The following MORC1 variants were observed in gnomAD, a reference collection of about 807,000 sequenced individuals.
The protein encoded by MORC1 is MORC family CW-type zinc finger 1.
A neutral mutation model predicts 134.9 loss-of-function variants in MORC1; 59 were observed. The observed-to-expected ratio is 0.44, with a 90% CI of 0.35 to 0.54. The LOEUF is 0.54. MORC1 is among the 20% of genes least tolerant of loss of function. The pLI is 0.00. For missense variants in MORC1, 947 were observed against 1,134.5 expected (o/e 0.83, Z 2.37); for synonymous variants, 395 against 391.7 (o/e 1.01, Z -0.10).
chr3:109,054,580 C>T lies in MORC1; in HGVS notation c.1330+148G>A, dbSNP rs1031758785. The T allele has an allele frequency of 6.3e-6, 4 of 634,510 alleles. No individual in the cohort carries two copies. In the Admixed American group the frequency reaches 1.4e-4, roughly 22 times the overall value. The allele number at this position is 634,510 out of a possible 1,614,324, so 39.3% of individuals were successfully genotyped here. On this transcript the variant is annotated intron_variant, in intron 14 of 27. Coordinates refer to ENST00000232603, the MANE Select transcript of MORC1 (RefSeq NM_014429.4). ...CTGGGAAAGATTCTGAAATGGGCTCCCTTCTCACTCCTGTTTTTAAAGCAG... is the reference window on the plus strand; with the variant it reads ...CTGGGAAAGATTCTGAAATGGGCTCTCTTCTCACTCCTGTTTTTAAAGCAG...
chr3:108,981,658 G>A (rs1947726556), intron 23 of MORC1, among the ~76,000 whole-genome samples: 1 of 152,148 alleles, frequency 6.6e-6, no homozygotes, highest in Non-Finnish European at 1.5e-5. Context: ...TTATAGAGTT[G>A]TACTGAGGAT....
intron 8 of MORC1, among the ~76,000 whole-genome samples, chr3:109,082,836 A>T (rs1383766392): frequency 6.6e-6 from 1 of 152,226 alleles, no homozygotes; most frequent in Non-Finnish European, 1.5e-5. Context: ...GAGGGAATAA[A>T]GCAAGAGCAA....
At chr3:109,081,645 G>A (rs1211267748) in intron 8 of MORC1, among the ~76,000 whole-genome samples, 1 of 152,034 alleles carries the variant, frequency 6.6e-6, no homozygotes, top group African/African-American at 2.4e-5. Flanking sequence ...ACTAGAGACA[G>A]GGTTTCAGTA....
chr3:109,057,947 C>G (rs1949997567), intron 12 of MORC1, among the ~76,000 whole-genome samples: 1 of 152,176 alleles, frequency 6.6e-6, no homozygotes, highest in South Asian at 2.1e-4. Context: ...CTCTCTAACC[C>G]TTTCCAAAAT....
chr3:109,105,251 A>G (rs1700592245), intron 3 of MORC1, among the ~76,000 whole-genome samples: 2 of 151,974 alleles, frequency 1.3e-5, no homozygotes, highest in Admixed American at 6.6e-5. Context: ...TAGGCTGGGC[A>G]CGGTGGCTCA....
chr3:109,005,060 A>G lies in MORC1; in HGVS notation c.2013+10T>C, dbSNP rs2107532596. The G allele has an allele frequency of 1.2e-6, 2 of 1,601,312 alleles. No homozygotes were observed. The highest frequency in any genetic ancestry group is 2.3e-5 in the South Asian group (2 of 88,290). On this transcript the variant is annotated intron_variant, in intron 19 of 27. Coordinates refer to ENST00000232603, the MANE Select transcript of MORC1 (RefSeq NM_014429.4). ...TGAATTGTTTTGTGAATAAGAAACA[A>G]TAATAATACCTGGGATCTCTCAGCT...
At chr3:109,086,990 A>G (rs1950626434) in intron 8 of MORC1, among the ~76,000 whole-genome samples, 2 of 152,124 alleles carry the variant, frequency 1.3e-5, no homozygotes, top group Non-Finnish European at 2.9e-5. Context: ...TCTACAGTAG[A>G]AGAGAGACTG....
At chr3:109,027,187 TAGTC>T in intron 17 of MORC1, among the ~76,000 whole-genome samples, 1 of 152,320 alleles carries the variant, frequency 6.6e-6, no homozygotes, top group South Asian at 2.1e-4. Flanking sequence ...GTTTAATTAT[TAGTC>T]AAGAAAATAA....
intron 21 of MORC1, among the ~76,000 whole-genome samples, chr3:108,990,997 A>G (rs1157104465): frequency 1.3e-5 from 2 of 151,284 alleles, no homozygotes; most frequent in Non-Finnish European, 2.9e-5. Flanking sequence ...ACTTTTATTT[A>G]TTTAATATTC....
intron 22 of MORC1, among the ~76,000 whole-genome samples, chr3:108,985,049 C>T (rs1181303744): frequency 6.6e-6 from 1 of 151,944 alleles, no homozygotes; most frequent in African/African-American, 2.4e-5. Context: ...CATTTTTTAC[C>T]AGAGCCTGGA....
At chr3:108,974,308 T>C (rs1006747371) in intron 24 of MORC1, among the ~76,000 whole-genome samples, 1 of 152,222 alleles carries the variant, frequency 6.6e-6, no homozygotes, top group Non-Finnish European at 1.5e-5. Context: ...TAAAAACCTA[T>C]AGGATACCAA....
At chr3:108,978,336 T>A (rs2107434279) in intron 24 of MORC1, among the ~76,000 whole-genome samples, 1 of 152,298 alleles carries the variant, frequency 6.6e-6, no homozygotes, top group East Asian at 1.9e-4. Context: ...CATTGCTCCA[T>A]CAACAACTTG....
At chr3:108,996,286 G>GCACACACACACACACACACACACA (rs66629906) in intron 21 of MORC1, among the ~76,000 whole-genome samples, 93 of 146,444 alleles carry the variant, frequency 6.4e-4, no homozygotes, top group African/African-American at 2.1e-3. Flanking sequence ...GCGCGCGCGC[G>GCACACACACACACACACACACACA]CACACACACA....
At chr3:109,100,624 T>A (rs1314668620) in intron 4 of MORC1, 117 bp from the exon 5 acceptor site, 1 of 777,172 alleles carries the variant, frequency 1.3e-6, no homozygotes, top group Admixed American at 2.0e-5. Flanking sequence ...AGCTCTTGGG[T>A]CAGCCCAGAG....
chr3:109,036,618 T>C (rs1032609310), intron 14 of MORC1, among the ~76,000 whole-genome samples: 8 of 152,160 alleles, frequency 5.3e-5, no homozygotes, highest in African/African-American at 7.2e-5. Context: ...ATGTAATCCA[T>C]GAAAAATGCA....
intron 17 of MORC1, among the ~76,000 whole-genome samples, chr3:109,027,232 C>T (rs1470394702): frequency 1.3e-5 from 2 of 152,196 alleles, no homozygotes; most frequent in African/African-American, 4.8e-5. Context: ...CATTTTCTTA[C>T]ACTCGAAATT....
chr3:109,104,975 T>C (rs1576749382), intron 3 of MORC1, among the ~76,000 whole-genome samples: 1 of 152,242 alleles, frequency 6.6e-6, no homozygotes, highest in African/African-American at 2.4e-5. Flanking sequence ...AATCCTTCCT[T>C]AGGACCCTTC....
intron 1 of MORC1, among the ~76,000 whole-genome samples, chr3:109,115,647 T>G (rs1414505672): frequency 6.6e-6 from 1 of 152,204 alleles, no homozygotes; most frequent in Non-Finnish European, 1.5e-5. Flanking sequence ...TAAACAATCC[T>G]TTAGAAAAGC....
At chr3:109,087,285 T>G (rs1334703909) in intron 8 of MORC1, among the ~76,000 whole-genome samples, 1 of 152,066 alleles carries the variant, frequency 6.6e-6, no homozygotes, top group Non-Finnish European at 1.5e-5. Context: ...GAAGCCAGAC[T>G]ACGTGTGTTT....
Sources: gnomAD v4.1 joint callset for allele counts (sites outside exome capture counted in the v4.1 genomes callset) on GRCh38, gnomAD v4.1.1 for gene constraint, MANE v1.5 for transcripts, NCBI Gene and HGNC (gene_info 2026-07-23, HGNC 2026-07-21) for gene names.